Variants in CROCC observed in about 807,000 individuals in gnomAD.
CROCC encodes the protein ciliary rootlet coiled-coil, rootletin, also known as rootletin.
Under a neutral mutation model 245.2 loss-of-function variants are expected in CROCC, and 180 were observed. The ratio of observed to expected loss-of-function variants is 0.73; its 90% CI spans 0.65 to 0.83. The LOEUF (loss-of-function observed/expected upper bound fraction) is 0.83. CROCC is among the 40% of genes least tolerant of loss of function. The pLI, the probability that CROCC is intolerant of heterozygous loss-of-function variation, is 0.00. For missense variants in CROCC, 2,688 were observed against 2,779.4 expected (o/e 0.97, Z 0.74); for synonymous variants, 1,205 against 1,241.6 (o/e 0.97, Z 0.62).
chr1:16,925,726 C>T (rs1305965148), intron 3 of CROCC, among the ~76,000 whole-genome samples: 14 of 152,376 alleles, frequency 9.2e-5, no homozygotes, highest in Admixed American at 2.6e-4. Flanking sequence ...GGGGTGTGCC[C>T]GTGTCCTGGG....
chr1:16,957,303 A>C (rs1199436755), intron 25 of CROCC, among the ~76,000 whole-genome samples: 3 of 151,872 alleles, frequency 2.0e-5, no homozygotes, highest in Admixed American at 2.0e-4. Context: ...GCTACTTGGG[A>C]GGCTGAGGTG....
chr1:16,961,163 AGGT>A, intron 27 of CROCC, 33 bp downstream of exon 27: 1 of 1,259,328 alleles, frequency 7.9e-7, no homozygotes, highest in South Asian at 2.3e-5. Context: ...GGAAGGGGGG[AGGT>A]GGGCGGGCCG....
intron 2 of CROCC, among the ~76,000 whole-genome samples, chr1:16,923,727 C>T (rs1238699199): frequency 7.5e-6 from 1 of 133,200 alleles, no homozygotes; most frequent in African/African-American, 2.9e-5. Flanking sequence ...GTTGCCCAGG[C>T]TGGAGTGCAG....
intron 14 of CROCC, 69 bp downstream of exon 14, chr1:16,944,351 TG>T (rs1177127483): frequency 7.8e-7 from 1 of 1,284,100 alleles, no homozygotes; most frequent in Non-Finnish European, 1.0e-6. Context: ...AGTGCCCCCC[TG>T]GGGTTAGGTG....
In CROCC at chr1:16,929,971, G is replaced by T; in HGVS notation, c.477G>T (p.Leu159=). The change falls in exon 4 of 37, where the codon CTG becomes CTT. Residue 159 remains leucine, a synonymous_variant. Coordinates refer to ENST00000375541, the MANE Select transcript of CROCC (RefSeq NM_014675.5). ...QEEQASYRRK[L]QAYQEGQQRQ... is the part of the protein sequence containing the mutation. Reference sequence around the variant, plus strand: ...AGCAGGCCTCCTACCGGCGCAAGCTGCAGGCCTACCAGGAGGGCCAGCAGC... The same window carrying T: ...AGCAGGCCTCCTACCGGCGCAAGCTTCAGGCCTACCAGGAGGGCCAGCAGC... 6.3e-7 allele frequency: 1 copy of T among 1,587,180 alleles called. No individual in the cohort carries two copies. The highest frequency in any genetic ancestry group is 1.1e-5 in the South Asian group (1 of 87,160).
chr1:16,963,988 G>C (rs1367855129), intron 27 of CROCC, among the ~76,000 whole-genome samples: 2 of 151,854 alleles, frequency 1.3e-5, no homozygotes, highest in Admixed American at 6.6e-5. Flanking sequence ...GTAGAGATGG[G>C]GGTTTCACCA....
chr1:16,964,687 C>A (rs950945586), intron 27 of CROCC, among the ~76,000 whole-genome samples: 2 of 150,856 alleles, frequency 1.3e-5, no homozygotes, highest in African/African-American at 2.4e-5. Context: ...CCAGTCTTTT[C>A]TTTCTTCTTT....
chr1:16,914,200 C>T lies in CROCC; in HGVS notation n.126-16086C>T, dbSNP rs544422538. 3.5e-3 allele frequency among the ~76,000 whole-genome samples: 526 copies of T among 151,894 alleles called. 2 individuals are homozygous for T. Among genetic ancestry groups the T allele is most frequent in the Non-Finnish European group, 4.5e-3 (303 of 67,884 alleles). On this transcript the variant is annotated intron_variant and non_coding_transcript_variant, in intron 1 of 8. Coordinates refer to the CROCC transcript ENST00000466256. ...ACGGACGCGCTCCCGGCGGAGGAGG[C>T]CGCGCGCCTGGGGGCGGGCTGGAGC...
In CROCC at chr1:16,946,976, G is replaced by A; in HGVS notation, c.2499G>A (p.Gln833=). Residue 833 remains glutamine (Q), a synonymous_variant, in exon 17 of 37, where the codon CAG becomes CAA. Transcript: ENST00000375541. The part of the protein sequence containing the change: ...PTLRHERSQL[Q]EQLAQLSRQL... ...TGCGCCATGAGCGCAGCCAGCTGCAGGAGCAGCTAGCGCAGGTGGGCAAAG... is the reference window on the plus strand; with the variant it reads ...TGCGCCATGAGCGCAGCCAGCTGCAAGAGCAGCTAGCGCAGGTGGGCAAAG... 6.4e-7 allele frequency: 1 copy of A among 1,553,160 alleles called. No homozygotes were observed. The highest frequency in any genetic ancestry group is 8.7e-7 in the Non-Finnish European group (1 of 1,149,130).
upstream of CROCC, among the ~76,000 whole-genome samples, chr1:16,920,210 C>T (rs1376167244): frequency 6.6e-6 from 1 of 152,258 alleles, no homozygotes; most frequent in Non-Finnish European, 1.5e-5. Context: ...TCCCAGGTAG[C>T]TGGGACTACA....
intron 15 of CROCC, among the ~76,000 whole-genome samples, chr1:16,945,853 G>A (rs544849617): frequency 2.0e-5 from 3 of 152,294 alleles, no homozygotes; most frequent in Non-Finnish European, 4.4e-5. Flanking sequence ...GCTCCTGGGG[G>A]CAATGCCTAT....
intron 3 of CROCC, among the ~76,000 whole-genome samples, chr1:16,925,201 G>A (rs2075506959): frequency 6.6e-6 from 1 of 152,266 alleles, no homozygotes; most frequent in African/African-American, 2.4e-5. Context: ...CTCGCAGCTG[G>A]GACAGAGTGT....
intron 13 of CROCC, chr1:16,940,878 C>G (rs764214450): frequency 7.1e-6 from 3 of 423,256 alleles, no homozygotes; most frequent in South Asian, 5.1e-5. Flanking sequence ...GGGCCTGGGC[C>G]TGGCCTGGGG....
rs781405738 is a variant in CROCC, at chr1:16,922,667, T to G, written c.65T>G (p.Leu22Arg). The G allele has an allele frequency of 6.2e-7, 1 of 1,606,872 alleles. No homozygotes were observed. The highest frequency in any genetic ancestry group is 1.1e-5 in the South Asian group (1 of 90,090). The change falls in exon 2 of 37, where the codon CTG (leucine) becomes CGG (arginine). Residue 22 changes from leucine to arginine, a missense_variant. Physicochemically the swap from Leu to Arg is moderately radical, Grantham distance 102. Coordinates refer to ENST00000375541, the MANE Select transcript of CROCC (RefSeq NM_014675.5). ...ELTLETVIQT[L>R]ESSVLCQEKG... Reference sequence around the variant, plus strand: ...ACCCTCTCGCTTTTCCCACAGACACTGGAGAGCAGCGTCCTGTGCCAGGAG... The same window carrying G: ...ACCCTCTCGCTTTTCCCACAGACACGGGAGAGCAGCGTCCTGTGCCAGGAG...
chr1:16,951,345 G>C, intron 20 of CROCC: 1 of 408,940 alleles, frequency 2.4e-6, no homozygotes, highest in South Asian at 7.9e-5. Flanking sequence ...CTGATGCAGA[G>C]GGTCCACAAC....
At position 16,966,387 on chromosome 1, in the gene CROCC, C is replaced by T. The variant is rs776846848; in HGVS notation, c.4697-21C>T. The T allele has an allele frequency of 2.7e-5, 41 of 1,504,672 alleles. No homozygotes were observed. Among genetic ancestry groups the T allele is most frequent in the South Asian group, 1.0e-4 (8 of 78,842 alleles). The allele number at this position is 1,504,672 out of a possible 1,614,324, so 93.2% of individuals were successfully genotyped here. On this transcript the variant is annotated intron_variant, in intron 29 of 36. Transcript: ENST00000375541. This position sits in a 1 kb window ranked among gnomAD's most constrained non-coding sequence, Gnocchi z 4.8. ...CGGGGCTGTGCTTGGCCATGCCTGACGGGGTGGGTGGTGGCTACAGCCCGG... is the reference window on the plus strand; with the variant it reads ...CGGGGCTGTGCTTGGCCATGCCTGATGGGGTGGGTGGTGGCTACAGCCCGG...
intron 2 of CROCC, 62 bp from the exon 3 acceptor site, chr1:16,924,263 G>A (rs1431237004): frequency 1.9e-6 from 3 of 1,582,150 alleles, no homozygotes; most frequent in Non-Finnish European, 1.7e-6. Flanking sequence ...TGCCCTCCCT[G>A]TTGGGGGGAG....
chr1:16,945,523 G>T lies in CROCC; in HGVS notation c.2053G>T (p.Val685Leu), dbSNP rs1368979367. 2 of 1,611,802 alleles carry T rather than the reference G, an allele frequency of 1.2e-6. No individual in the cohort carries two copies. Among genetic ancestry groups the T allele is most frequent in the Admixed American group, 1.7e-5 (1 of 59,926 alleles). ...RSVLAKELVE[V>L]REALSRATLQ... is the part of the protein sequence containing the mutation. ...AGTCCTGGCCAAGGAGCTGGTGGAG[G>T]TGAGGGAGGCGCTGAGCCGCGCCAC... is the stretch of plus-strand genomic sequence containing the variant. The change falls in exon 15 of 37, where the codon GTG (valine) becomes TTG (leucine). Residue 685 changes from valine to leucine, a missense_variant. Val to Leu is a conservative substitution (Grantham distance 32). Around this residue, in one of 9 missense-constraint regions of CROCC, gnomAD observed 18 missense variants for 61.1 expected, o/e 0.29. Transcript: ENST00000375541.
At position 16,968,412 on chromosome 1, in the gene CROCC, G is replaced by C; in HGVS notation, c.5070G>C (p.Gln1690His). ...QALQDRVDSL[Q>H]RQVADSEVKA... ...TCCAGGATCGGGTGGATTCCCTGCA[G>C]AGACAGGTGGGCCCCTCCCCAAATC... Residue 1690 changes from glutamine to histidine, a missense_variant, in exon 31 of 37, where the codon CAG becomes CAC. Gln to His is a conservative substitution (Grantham distance 24, BLOSUM62 0). Coordinates refer to ENST00000375541, the MANE Select transcript of CROCC (RefSeq NM_014675.5). The C allele has an allele frequency of 6.8e-7, 1 of 1,480,006 alleles. No homozygotes were observed. The highest frequency in any genetic ancestry group is 9.0e-7 in the Non-Finnish European group (1 of 1,115,170). 91.7% of individuals were successfully genotyped at this position (1,480,006 alleles called of 1,614,324 possible). A position where few individuals can be genotyped will look rare whatever the true frequency, so the allele number is the denominator to read the frequency against.
Sources: gnomAD v4.1 joint callset for allele counts (sites outside exome capture counted in the v4.1 genomes callset) on GRCh38, gnomAD v4.1.1 for gene constraint, gnomAD v4.1.1 regional missense constraint, Gnocchi (gnomAD v3.1) non-coding constraint, MANE v1.5 for transcripts, NCBI Gene and HGNC (gene_info 2026-07-23, HGNC 2026-07-21) for gene names.